KCNN3: variants seen among roughly 807,000 people sequenced by gnomAD.
KCNN3 encodes the protein potassium calcium-activated channel subfamily N member 3.
Under a neutral mutation model 62.9 loss-of-function variants are expected in KCNN3, and 16 were observed. That is an observed-to-expected ratio of 0.25 (90% CI 0.17 to 0.39). The LOEUF (loss-of-function observed/expected upper bound fraction) is 0.39. Ranked by LOEUF, KCNN3 falls within the 10% of genes least tolerant of loss-of-function variation. KCNN3 has a pLI of 1.00. For missense variants in KCNN3, 599 were observed against 949.4 expected, an observed-to-expected ratio of 0.63 and a Z score of 4.85; for synonymous variants, 370 against 389.2, an observed-to-expected ratio of 0.95 and a Z score of 0.58.
rs753844849 is a variant in KCNN3, at chr1:154,698,796, CTG to C, written c.*9178_*9179del. 2.6e-5 allele frequency: 4 copies of C among 152,234 alleles called. No individual in the cohort carries two copies. The highest frequency in any genetic ancestry group is 9.6e-5 in the African/African-American group (4 of 41,456). 9.4% of individuals were successfully genotyped at this position (152,234 alleles called of 1,614,324 possible). On this transcript the variant is annotated 3_prime_UTR_variant, in exon 8 of 8. Transcript: ENST00000271915. The stretch of plus-strand genomic sequence containing the variant: ...GAGAGACTTCCCACTAGTCCACCTT[CTG>C]TGTGTGTTACCAAAAGGAAGCCATA...
At chr1:154,742,510 T>G (rs1242742669) in intron 3 of KCNN3, among the ~76,000 whole-genome samples, 1 of 152,182 alleles carries the variant, frequency 6.6e-6, no homozygotes, top group Non-Finnish European at 1.5e-5. Flanking sequence ...GGAGCTGATA[T>G]GTCTAAAATG....
chr1:154,808,082 A>G (rs1438462945), intron 2 of KCNN3, among the ~76,000 whole-genome samples: 1 of 152,058 alleles, frequency 6.6e-6, no homozygotes, highest in Non-Finnish European at 1.5e-5. Context: ...CATTCTCTCC[A>G]TCTTACATAA....
chr1:154,785,385 A>G (rs1649232393), intron 2 of KCNN3, among the ~76,000 whole-genome samples: 1 of 152,038 alleles, frequency 6.6e-6, no homozygotes, highest in Non-Finnish European at 1.5e-5. Context: ...GGTGGTGGGC[A>G]GGGAGTGTTT....
chr1:154,838,367 A>G (rs749846651), intron 1 of KCNN3, among the ~76,000 whole-genome samples: 5 of 151,958 alleles, frequency 3.3e-5, no homozygotes, highest in Non-Finnish European at 7.4e-5. Flanking sequence ...TTAAGACACA[A>G]ATCGTGCCAT....
At chr1:154,849,402 T>A (rs982073993) in intron 1 of KCNN3, among the ~76,000 whole-genome samples, 1 of 152,224 alleles carries the variant, frequency 6.6e-6, no homozygotes, top group Non-Finnish European at 1.5e-5. Flanking sequence ...AGTGCTGGAC[T>A]AGAAAGCGGA....
intron 2 of KCNN3, among the ~76,000 whole-genome samples, chr1:154,801,317 C>T (rs1649945318): frequency 6.6e-6 from 1 of 152,290 alleles, no homozygotes; most frequent in East Asian, 1.9e-4. Context: ...AAGATACCCC[C>T]GGAGTCACTT....
intron 1 of KCNN3, chr1:154,859,946 T>G: frequency 2.2e-6 from 2 of 910,762 alleles, no homozygotes; most frequent in South Asian, 1.7e-5. Context: ...ACACATCATT[T>G]GCATGCTGTT....
rs74115850 is a variant in KCNN3, at chr1:154,734,167, G to C, written c.1449-1023C>G. ...TATACAAAGTGCAGCAAGGGAGCTGGTTGCAGGCTGGGTGGCAGGGCTGGT... is the reference window on the plus strand; with the variant it reads ...TATACAAAGTGCAGCAAGGGAGCTGCTTGCAGGCTGGGTGGCAGGGCTGGT... On this transcript the variant is annotated intron_variant, in intron 3 of 7. Coordinates refer to ENST00000271915, the MANE Select transcript of KCNN3 (RefSeq NM_002249.6). Among the ~76,000 whole-genome samples the C allele has an allele frequency of 2.7e-3, 404 of 152,326 alleles. 3 individuals are homozygous for C. The highest frequency in any genetic ancestry group is 0.01 in the Middle Eastern group (3 of 294).
chr1:154,788,669 G>T lies in KCNN3; in HGVS notation c.1030-16276C>A, dbSNP rs553835605. On this transcript the variant is annotated intron_variant, in intron 2 of 7. Coordinates refer to ENST00000271915, the MANE Select transcript of KCNN3 (RefSeq NM_002249.6). ...ACTGACTCCACGGAGCACAGCCCAC[G>T]CCGCCAAACCCGTCAGCATCCACTC... 2.0e-5 allele frequency among the ~76,000 whole-genome samples: 3 copies of T among 152,198 alleles called. No homozygotes were observed. The South Asian group carries it at 6.2e-4, about 32-fold the overall frequency.
intron 1 of KCNN3, among the ~76,000 whole-genome samples, chr1:154,840,374 G>A (rs1651776721): frequency 6.6e-6 from 1 of 152,126 alleles, no homozygotes; most frequent in Non-Finnish European, 1.5e-5. Flanking sequence ...AGCGGCGTGT[G>A]AGATCACAAA....
At chr1:154,784,645 G>T (rs1649199469) in intron 2 of KCNN3, among the ~76,000 whole-genome samples, 1 of 152,190 alleles carries the variant, frequency 6.6e-6, no homozygotes, top group South Asian at 2.1e-4. Context: ...AGGATGGCCA[G>T]ACAGTTGGGG....
intron 3 of KCNN3, among the ~76,000 whole-genome samples, chr1:154,742,110 C>T (rs561399899): frequency 1.3e-5 from 2 of 152,354 alleles, no homozygotes; most frequent in South Asian, 2.1e-4. Flanking sequence ...CTCTGACCAC[C>T]GCTTCAGGGT....
intron 3 of KCNN3, chr1:154,771,763 C>T (rs1030954577): frequency 9.6e-6 from 6 of 626,900 alleles, no homozygotes; most frequent in African/African-American, 1.8e-5. Flanking sequence ...AAATTCTGTG[C>T]CTTTTTCCCA....
rs369288709 is a variant in KCNN3 at position 154,869,632 on chromosome 1, G to C, written c.333C>G (p.Pro111=). The C allele has an allele frequency of 1.4e-5, 23 of 1,613,620 alleles. No homozygotes were observed. Among genetic ancestry groups the C allele is most frequent in the Admixed American group, 3.3e-5 (2 of 59,900 alleles). The change falls in exon 1 of 8, where the codon CCC becomes CCG. Residue 111 remains proline (P), a synonymous_variant. Transcript: ENST00000271915. The surrounding 1 kb of genome is among the most constrained non-coding windows in gnomAD (Gnocchi z 6.1). ...GGATGGCGGTGGAGTTGGACGAAGG[G>C]GGGGCCCTGAAAGCGGTGGGAGAGG... The part of the protein sequence containing the change: ...LHSSPTAFRA[P]PSSNSTAILH...
intron 1 of KCNN3, among the ~76,000 whole-genome samples, chr1:154,825,662 C>A (rs898345722): frequency 6.6e-6 from 1 of 151,830 alleles, no homozygotes; most frequent in African/African-American, 2.4e-5. Flanking sequence ...GCCACCGCGC[C>A]CAGCTGAGAG....
intron 2 of KCNN3, 138 bp downstream of exon 2, chr1:154,821,951 C>T (rs1209414533): frequency 8.6e-6 from 6 of 696,158 alleles, no homozygotes; most frequent in Non-Finnish European, 1.3e-5. Flanking sequence ...AAGAGAAGAG[C>T]CACGATCTTG....
At chr1:154,714,604 TG>T (rs1700190823) in intron 6 of KCNN3, among the ~76,000 whole-genome samples, 5 of 27,282 alleles carry the variant, frequency 1.8e-4, no homozygotes. Context: ...GTGTGATGTG[TG>T]GTGTGTGGTG....
intron 1 of KCNN3, among the ~76,000 whole-genome samples, chr1:154,824,349 G>A (rs1651022575): frequency 6.6e-6 from 1 of 152,218 alleles, no homozygotes; most frequent in African/African-American, 2.4e-5. Flanking sequence ...GAGGGCTGGT[G>A]CTGTTCTGGT....
intron 3 of KCNN3, among the ~76,000 whole-genome samples, chr1:154,736,707 C>T (rs1463965516): frequency 2.0e-5 from 3 of 152,206 alleles, no homozygotes; most frequent in African/African-American, 7.2e-5. Flanking sequence ...TAAACTCGTG[C>T]TCCCTGGCTG....
Sources: allele counts gnomAD v4.1 joint callset (sites outside exome capture counted in the v4.1 genomes callset), GRCh38; gene constraint gnomAD v4.1.1; non-coding constraint Gnocchi (gnomAD v3.1); transcripts MANE v1.5; gene names NCBI Gene and HGNC (gene_info 2026-07-23, HGNC 2026-07-21).